PTPRH: variants seen among roughly 807,000 people sequenced by gnomAD.
The protein encoded by PTPRH is receptor-type tyrosine-protein phosphatase H.
A neutral mutation model predicts 130.2 loss-of-function variants in PTPRH; 113 were observed. The ratio of observed to expected loss-of-function variants is 0.87; its 90% CI spans 0.75 to 1.01. The LOEUF (loss-of-function observed/expected upper bound fraction) is 1.01, where lower values mean the gene tolerates loss of function less well. Among genes scored for constraint, PTPRH ranks in the 50% least tolerant of loss-of-function variants. PTPRH has a pLI of 0.00. For missense variants in PTPRH, 1,430 were observed against 1,425.0 expected, an observed-to-expected ratio of 1.00 and a Z score of -0.06; for synonymous variants, 556 against 577.9, an observed-to-expected ratio of 0.96 and a Z score of 0.54.
rs1259740566 is a variant in PTPRH at position 55,186,471 on chromosome 19, A to G, written c.2636T>C (p.Phe879Ser). The G allele has an allele frequency of 6.3e-7, 1 of 1,591,886 alleles. No homozygotes were observed. The highest frequency in any genetic ancestry group is 1.5e-5 in the African/African-American group (1 of 67,466). ...TCCCAACCACGACCTTACGGGCATG[A>G]AGCTGGCATTGATGTAGTCAGAGCC... Reference protein sequence around the residue: ...EPGSDYINASFMPGLWSPQEF... With the variant: ...EPGSDYINASSMPGLWSPQEF... Residue 879 changes from phenylalanine (F) to serine (S), a missense_variant, in exon 15 of 20, where the codon TTC becomes TCC. Transcript: ENST00000376350.
chr19:55,204,161 C>G (rs2086968680), intron 4 of PTPRH, 113 bp from the exon 5 acceptor site: 9 of 1,243,434 alleles, frequency 7.2e-6, no homozygotes, highest in Non-Finnish European at 6.6e-6. Flanking sequence ...TGTCTGTCAT[C>G]CAGGCTGGAG....
At chr19:55,207,098 C>A (rs1453385752) in intron 2 of PTPRH, 68 bp downstream of exon 2, 9 of 1,601,742 alleles carry the variant, frequency 5.6e-6, no homozygotes, top group Middle Eastern at 1.7e-4. Context: ...GGGGACCCCC[C>A]AGAGGCTCAC....
rs762017835 is a variant in PTPRH, at chr19:55,202,341, G to C, written c.887-19C>G. 2.5e-6 allele frequency: 4 copies of C among 1,612,852 alleles called. No homozygotes were observed. Among genetic ancestry groups the C allele is most frequent in the Non-Finnish European group, 3.4e-6 (4 of 1,179,160 alleles). ...TTGGGAGCTGAAAACCAGCACAGGA[G>C]GGAAAATCAGTTGTAGTTTCTGGCC... On this transcript the variant is annotated intron_variant, in intron 5 of 19. Transcript: ENST00000376350.
At position 55,206,774 on chromosome 19, in the gene PTPRH, A is replaced by G; in HGVS notation, c.267T>C (p.Leu89=). 4 of 1,614,182 alleles carry G rather than the reference A, an allele frequency of 2.5e-6. No homozygotes were observed. The highest frequency in any genetic ancestry group is 2.5e-6 in the Non-Finnish European group (3 of 1,180,042). The stretch of plus-strand genomic sequence containing the variant: ...AACACGTATACAATGACCCGGGTCC[A>G]AGGCCATCCACGGTGACGTTGGTGG... The part of the protein sequence containing the change: ...TTATNVTVDG[L]GPGSLYTCSV... The change falls in exon 3 of 20, where the codon CTT becomes CTC. Residue 89 remains leucine (L), a synonymous_variant. Coordinates refer to ENST00000376350, the MANE Select transcript of PTPRH (RefSeq NM_002842.5).
At chr19:55,200,969 A>G (rs902538780) in intron 6 of PTPRH, among the ~76,000 whole-genome samples, 3 of 151,550 alleles carry the variant, frequency 2.0e-5, no homozygotes, top group African/African-American at 7.3e-5. Flanking sequence ...ACAAACAAAA[A>G]AAACAAAATA....
chr19:55,209,359 C>T lies in PTPRH; in HGVS notation c.51+24G>A. 1.9e-6 allele frequency: 3 copies of T among 1,558,178 alleles called. No individual in the cohort carries two copies. Among genetic ancestry groups the T allele is most frequent in the Non-Finnish European group, 2.6e-6 (3 of 1,150,364 alleles). On this transcript the variant is annotated intron_variant, in intron 1 of 19. Transcript: ENST00000376350. This position sits in a 1 kb window ranked among gnomAD's most constrained non-coding sequence, Gnocchi z 4.1. ...ACCTGGGAGTCCCTGCCTTGGGAGCCCGCTCTGGGCGGGGAGCACTTACCA... is the reference window on the plus strand; with the variant it reads ...ACCTGGGAGTCCCTGCCTTGGGAGCTCGCTCTGGGCGGGGAGCACTTACCA...
rs2147347094 is a variant in PTPRH at position 55,181,763 on chromosome 19, C to T, written c.3339G>A (p.Leu1113=). The change falls in exon 20 of 20, where the codon TTG becomes TTA. Residue 1113 remains leucine (L), a synonymous_variant. Transcript: ENST00000376350. ...ENVAAIQAHK[L]EV The stretch of plus-strand genomic sequence containing the variant: ...CCAGCCCCCTCGTCACTTAGACCTC[C>T]AACTTGTGGGCCTGGATGGCGGCCA... 4 of 1,614,134 alleles carry T rather than the reference C, an allele frequency of 2.5e-6. No homozygotes were observed. In the South Asian group the frequency reaches 3.3e-5, roughly 13 times the overall value.
At chr19:55,206,021 T>C (rs1322622181) in intron 3 of PTPRH, among the ~76,000 whole-genome samples, 1 of 152,112 alleles carries the variant, frequency 6.6e-6, no homozygotes, top group African/African-American at 2.4e-5. Context: ...TCACCTGAGG[T>C]CAGGAGTTCG....
intron 11 of PTPRH, 24 bp downstream of exon 11, chr19:55,191,639 G>T (rs201392788): frequency 1.1e-5 from 18 of 1,612,488 alleles, no homozygotes; most frequent in Non-Finnish European, 2.5e-6. Context: ...CCCTCCAGGC[G>T]GTCAGCCCTG....
rs1427073335 is a variant in PTPRH at position 55,187,617 on chromosome 19, G to A, written c.2476-14C>T. ...CAGGGAGAGTTGCTGGGGATGCAGG[G>A]AGAGGGGGTACCTGGTGTTGGATTT... is the stretch of plus-strand genomic sequence containing the variant. On this transcript the variant is annotated splice_polypyrimidine_tract_variant and intron_variant, in intron 13 of 19. Transcript: ENST00000376350. 4 of 1,593,114 alleles carry A rather than the reference G, an allele frequency of 2.5e-6. No individual in the cohort carries two copies. Among genetic ancestry groups the A allele is most frequent in the Non-Finnish European group, 1.7e-6 (2 of 1,161,266 alleles).
intron 16 of PTPRH, 35 bp downstream of exon 16, chr19:55,186,190 G>A: frequency 6.3e-7 from 1 of 1,593,764 alleles, no homozygotes; most frequent in Non-Finnish European, 8.6e-7. Context: ...GCGGGGTCCT[G>A]CACCCAGTCA....
intron 1 of PTPRH, 32 bp from the exon 2 acceptor site, chr19:55,207,231 C>G: frequency 6.2e-7 from 1 of 1,608,564 alleles, no homozygotes; most frequent in South Asian, 1.1e-5. Flanking sequence ...CGGAGTCAGC[C>G]TCTCAACCAC....
Position 55,206,971 on chromosome 19 carries a change from G to A in PTPRH, c.86-16C>T, listed in dbSNP as rs555806742. On this transcript the variant is annotated splice_polypyrimidine_tract_variant and intron_variant, in intron 2 of 19. Transcript: ENST00000376350. ...GGGTTGGGGGCTGAGAATTGGGAAG[G>A]AAGGTCTGACAAAAAGGGAACCAGG... The A allele has an allele frequency of 4.2e-5, 66 of 1,575,456 alleles. No individual in the cohort carries two copies. In the Middle Eastern group the frequency reaches 6.8e-4, roughly 16 times the overall value.
At chr19:55,207,337 G>A in intron 1 of PTPRH, 138 bp from the exon 2 acceptor site, 2 of 911,052 alleles carry the variant, frequency 2.2e-6, no homozygotes, top group Non-Finnish European at 3.3e-6. Flanking sequence ...TGTTAGGCTG[G>A]GCTGTCACGA....
rs2086859570 is a variant in PTPRH, at chr19:55,201,395, A to C, written c.1153+661T>G. On this transcript the variant is annotated intron_variant, in intron 6 of 19. Coordinates refer to ENST00000376350, the MANE Select transcript of PTPRH (RefSeq NM_002842.5). The stretch of plus-strand genomic sequence containing the variant: ...CCAGCTCTAAAAAAAAGAAAAAAAT[A>C]AGAGAGACTCAAGGGAGCTTTGTGT... Among the ~76,000 whole-genome samples the C allele has an allele frequency of 3.3e-5, 5 of 152,174 alleles. No individual in the cohort carries two copies. The South Asian group carries it at 1.0e-3, about 32-fold the overall frequency.
Position 55,188,140 on chromosome 19 carries a change from A to G in PTPRH, c.2413T>C (p.Phe805Leu). The G allele has an allele frequency of 6.2e-7, 1 of 1,614,082 alleles. No individual in the cohort carries two copies. Among genetic ancestry groups the G allele is most frequent in the Non-Finnish European group, 8.5e-7 (1 of 1,179,982 alleles). ...TCATTCTTCCTGACGTGGTCAGCGA[A>G]GTCTTCAGCTGGGATGTCCCCTGGG... Reference protein sequence around the residue: ...SSPGDIPAEDFADHVRKNERD... With the variant: ...SSPGDIPAEDLADHVRKNERD... Residue 805 changes from phenylalanine (F) to leucine (L), a missense_variant, in exon 13 of 20, where the codon TTC (phenylalanine) becomes CTC (leucine). Physicochemically the swap from Phe to Leu is conservative, Grantham distance 22. Coordinates refer to ENST00000376350, the MANE Select transcript of PTPRH (RefSeq NM_002842.5).
rs200351605 is a variant in PTPRH, at chr19:55,199,095, G to T, written c.1421-183C>A. On this transcript the variant is annotated intron_variant, in intron 7 of 19. Coordinates refer to ENST00000376350, the MANE Select transcript of PTPRH (RefSeq NM_002842.5). ...TAAACCGGGAGGGTTGCCTGAGCCT[G>T]GGAATTTGATACCAGCCTGAGCAAA... Among the ~76,000 whole-genome samples, 55 of 152,296 alleles carry T rather than the reference G, an allele frequency of 3.6e-4. No homozygotes were observed. The East Asian group carries it at 0.01, about 28-fold the overall frequency.
At position 55,191,483 on chromosome 19, in the gene PTPRH, C is replaced by G. The variant is rs112567977; in HGVS notation, c.2384+18G>C. On this transcript the variant is annotated intron_variant, in intron 12 of 19. Coordinates refer to ENST00000376350, the MANE Select transcript of PTPRH (RefSeq NM_002842.5). ...TGACCAGATTCTTTCCAATGCACCC[C>G]CCAGACCTTCTGCTCACCTAAAGAC... The G allele has an allele frequency of 4.0e-5, 65 of 1,613,746 alleles. 3 individuals carry two copies. Among genetic ancestry groups the G allele is most frequent in the African/African-American group, 3.9e-4 (29 of 74,900 alleles).
In PTPRH at chr19:55,200,456, G is replaced by T. The variant is rs1239755748; in HGVS notation, c.1200C>A (p.Ser400Arg). 1 of 1,614,126 alleles carries T rather than the reference G, an allele frequency of 6.2e-7. No homozygotes were observed. The highest frequency in any genetic ancestry group is 1.7e-5 in the Admixed American group (1 of 60,026). ...GGACTTCCCAGCATAGGGCGATGGA[G>T]CTGTTGGTCTGAGTCTCCATATGGA... ...RNLHMETQTNSSIALCWEVPD... is the reference protein window; with the variant it reads ...RNLHMETQTNRSIALCWEVPD... Residue 400 changes from serine to arginine, a missense_variant, in exon 7 of 20, where the codon AGC becomes AGA. Transcript: ENST00000376350.
Sources: allele counts gnomAD v4.1 joint callset (sites outside exome capture counted in the v4.1 genomes callset), GRCh38; gene constraint gnomAD v4.1.1; non-coding constraint Gnocchi (gnomAD v3.1); transcripts MANE v1.5; gene names NCBI Gene and HGNC (gene_info 2026-07-23, HGNC 2026-07-21).